The following XKR6 variants were observed in gnomAD, a reference collection of about 807,000 sequenced individuals.
XKR6 encodes the protein XK related 6.
A neutral mutation model predicts 56.7 loss-of-function variants in XKR6; 22 were observed. The ratio of observed to expected loss-of-function variants is 0.39; its 90% CI spans 0.28 to 0.55. XKR6 has a LOEUF of 0.55. Ranked by LOEUF, XKR6 falls within the 20% of genes least tolerant of loss-of-function variation. The pLI, the probability that XKR6 is intolerant of heterozygous loss-of-function variation, is 0.66. For missense variants in XKR6, 852 were observed against 889.0 expected, an observed-to-expected ratio of 0.96 and a Z score of 0.53; for synonymous variants, 524 against 387.8, an observed-to-expected ratio of 1.35 and a Z score of -4.13.
chr8:11,006,884 AAC>A (rs1427224459), intron 1 of XKR6, among the ~76,000 whole-genome samples: 1 of 152,176 alleles, frequency 6.6e-6, no homozygotes, highest in Non-Finnish European at 1.5e-5. Context: ...TTCTAGCTGC[AAC>A]ACAGAGTGTA....
At chr8:11,170,175 C>T (rs1802296948) in intron 1 of XKR6, among the ~76,000 whole-genome samples, 1 of 152,164 alleles carries the variant, frequency 6.6e-6, no homozygotes, top group African/African-American at 2.4e-5. Flanking sequence ...TCATAAGACC[C>T]AGCAGCTCCA....
intron 1 of XKR6, among the ~76,000 whole-genome samples, chr8:11,184,596 C>T (rs966996673): frequency 7.2e-5 from 11 of 152,218 alleles, no homozygotes; most frequent in African/African-American, 2.6e-4. Context: ...TCTATAAGAA[C>T]TTACAAAACA....
In XKR6 at chr8:10,918,317, G is replaced by A. The variant is rs569066146; in HGVS notation, c.961+6317C>T. ...GGAAGAGGCTCACCTAAGAGGCTCT[G>A]GAAGACTCAGGACATTTGCAAAAAG... On this transcript the variant is annotated intron_variant, in intron 2 of 2. Coordinates refer to ENST00000416569, the MANE Select transcript of XKR6 (RefSeq NM_173683.4). Among the ~76,000 whole-genome samples, 76 of 152,330 alleles carry A rather than the reference G, an allele frequency of 5.0e-4. 1 individual carries two copies. Among genetic ancestry groups the A allele is most frequent in the Non-Finnish European group, 7.1e-4 (48 of 68,032 alleles).
chr8:11,103,054 ATAT>A (rs1340425342), intron 1 of XKR6, among the ~76,000 whole-genome samples: 3 of 152,348 alleles, frequency 2.0e-5, no homozygotes, highest in East Asian at 3.9e-4. Context: ...TAAGATTGAT[ATAT>A]TATACATAAC....
Position 11,149,467 on chromosome 8 carries a change from C to T in XKR6, c.764+51109G>A, listed in dbSNP as rs543970525. Among the ~76,000 whole-genome samples the T allele has an allele frequency of 1.1e-3, 171 of 152,294 alleles. 1 individual carries two copies. The highest frequency in any genetic ancestry group is 2.5e-3 in the South Asian group (12 of 4,824). On this transcript the variant is annotated intron_variant, in intron 1 of 2. Coordinates refer to ENST00000416569, the MANE Select transcript of XKR6 (RefSeq NM_173683.4). The stretch of plus-strand genomic sequence containing the variant: ...TGCACCTGACTCTAATTCAAAACAT[C>T]AGATTTGATACTTTACATGTTGTCT...
intron 1 of XKR6, among the ~76,000 whole-genome samples, chr8:11,065,944 G>A (rs1219531634): frequency 6.6e-6 from 1 of 152,176 alleles, no homozygotes; most frequent in African/African-American, 2.4e-5. Flanking sequence ...TCCTGGGTAA[G>A]TCACTCTTCA....
At chr8:11,123,748 G>C in intron 1 of XKR6, 2 of 424,688 alleles carry the variant, frequency 4.7e-6, no homozygotes, top group Non-Finnish European at 9.6e-6. Flanking sequence ...CCCCTACCCC[G>C]GGAAAAAAAA....
chr8:10,963,878 C>T (rs970337015), intron 1 of XKR6, among the ~76,000 whole-genome samples: 2 of 152,196 alleles, frequency 1.3e-5, no homozygotes, highest in African/African-American at 4.8e-5. Flanking sequence ...ATGATGTGAA[C>T]ACTGCATGAA....
chr8:11,130,029 A>C (rs1800024864), intron 1 of XKR6, among the ~76,000 whole-genome samples: 1 of 152,144 alleles, frequency 6.6e-6, no homozygotes, highest in Admixed American at 6.5e-5. Flanking sequence ...CTGACAATAA[A>C]GCGCTGAAAT....
Position 11,200,829 on chromosome 8 carries a change from C to G in XKR6, c.511G>C (p.Val171Leu). 1.9e-6 allele frequency: 3 copies of G among 1,611,994 alleles called. No individual in the cohort carries two copies. Among genetic ancestry groups the G allele is most frequent in the Non-Finnish European group, 2.5e-6 (3 of 1,179,522 alleles). Residue 171 changes from valine to leucine, a missense_variant, in exon 1 of 3, where the codon GTG becomes CTG. By Grantham distance (32) the Val-to-Leu change is conservative. Around this residue, in one of 4 missense-constraint regions of XKR6, gnomAD observed 417 missense variants for 355.2 expected, o/e 1.17. Transcript: ENST00000416569. The surrounding 1 kb of genome is among the most constrained non-coding windows in gnomAD (Gnocchi z 6.4). ...YFGLTLFFVL[V>L]PSLLVQSLSF... The stretch of plus-strand genomic sequence containing the variant: ...AGGCTCTGCACCAGCAGCGACGGCA[C>G]CAGCACGAAGAAGAGGGTCAGCCCG...
intron 1 of XKR6, among the ~76,000 whole-genome samples, chr8:11,182,697 T>A (rs1803059360): frequency 1.3e-5 from 2 of 152,238 alleles, no homozygotes; most frequent in Non-Finnish European, 2.9e-5. Flanking sequence ...ATCTAGAGTA[T>A]TTGTAAAAAT....
chr8:10,924,773 T>G lies in XKR6; in HGVS notation c.822A>C (p.Arg274=). 6.2e-7 allele frequency: 1 copy of G among 1,614,024 alleles called. No individual in the cohort carries two copies. Among genetic ancestry groups the G allele is most frequent in the Non-Finnish European group, 8.5e-7 (1 of 1,179,992 alleles). ...CATACATCATAGCCCAGTAGAAGCG[T>G]CGCTGGTGTTCCTTCCGCCGCTGGC... is the stretch of plus-strand genomic sequence containing the variant. ...IQSQRRKEHQ[R]RFYWAMMYEY... Residue 274 remains arginine (R), a synonymous_variant, in exon 2 of 3, where the codon CGA becomes CGC. Coordinates refer to ENST00000416569, the MANE Select transcript of XKR6 (RefSeq NM_173683.4).
At chr8:10,978,247 C>G (rs887806758) in intron 1 of XKR6, among the ~76,000 whole-genome samples, 10 of 152,188 alleles carry the variant, frequency 6.6e-5, no homozygotes, top group African/African-American at 1.9e-4. Context: ...TATTTAATGA[C>G]TTTCAAGGAT....
In XKR6 at chr8:11,007,808, C is replaced by T. The variant is rs530847621; in HGVS notation, c.765-82978G>A. 4.6e-5 allele frequency among the ~76,000 whole-genome samples: 7 copies of T among 152,270 alleles called. No homozygotes were observed. The East Asian group carries it at 1.2e-3, about 25-fold the overall frequency. On this transcript the variant is annotated intron_variant, in intron 1 of 2. Transcript: ENST00000416569. ...TCTGGTGTCCCCTGGCTTCCTGCAGCTCCCCTTCTCCTCTCTGGGCTTGTA... is the reference window on the plus strand; with the variant it reads ...TCTGGTGTCCCCTGGCTTCCTGCAGTTCCCCTTCTCCTCTCTGGGCTTGTA...
At chr8:11,016,041 G>T (rs1360201510) in intron 1 of XKR6, among the ~76,000 whole-genome samples, 2 of 152,136 alleles carry the variant, frequency 1.3e-5, no homozygotes, top group East Asian at 3.9e-4. Context: ...CGCACCGTCG[G>T]CGATCCCTGC....
rs1006108561 is a variant in XKR6, at chr8:10,902,332, C to T, written c.962-3416G>A. 2.6e-5 allele frequency among the ~76,000 whole-genome samples: 4 copies of T among 152,188 alleles called. No individual in the cohort carries two copies. The South Asian group carries it at 8.3e-4, about 32-fold the overall frequency. On this transcript the variant is annotated intron_variant, in intron 2 of 2. Transcript: ENST00000416569. ...TTGGTCAACTTATGAATGGCCAAAC[C>T]TTCTATCTAGGGGAGCTTCCCAGAC... is the stretch of plus-strand genomic sequence containing the variant.
intron 1 of XKR6, among the ~76,000 whole-genome samples, chr8:11,032,318 C>T (rs1394802559): frequency 6.6e-6 from 1 of 152,064 alleles, no homozygotes; most frequent in Admixed American, 6.5e-5. Context: ...TTTTTGCCTT[C>T]TATGTGTTGC....
intron 2 of XKR6, among the ~76,000 whole-genome samples, chr8:10,910,037 A>C (rs984777052): frequency 1.3e-5 from 2 of 152,012 alleles, no homozygotes; most frequent in Non-Finnish European, 2.9e-5. Flanking sequence ...TTTAACTAAC[A>C]GCAATGCAAT....
intron 1 of XKR6, among the ~76,000 whole-genome samples, chr8:11,097,857 C>A (rs1798319824): frequency 1.6e-5 from 2 of 126,734 alleles, no homozygotes; most frequent in African/African-American, 3.5e-5. Flanking sequence ...TTACTAAATA[C>A]ATCGTAAATT....
Sources: gnomAD v4.1 joint callset for allele counts (sites outside exome capture counted in the v4.1 genomes callset) on GRCh38, gnomAD v4.1.1 for gene constraint, gnomAD v4.1.1 regional missense constraint, Gnocchi (gnomAD v3.1) non-coding constraint, MANE v1.5 for transcripts, NCBI Gene and HGNC (gene_info 2026-07-23, HGNC 2026-07-21) for gene names.